The following ARHGAP6 variants were observed in gnomAD, a reference collection of about 807,000 sequenced individuals.
The protein encoded by ARHGAP6 is rho GTPase-activating protein 6.
ARHGAP6 carries 16 observed loss-of-function variants against 55.7 expected under a neutral mutation model. The ratio of observed to expected loss-of-function variants is 0.29; its 90% CI spans 0.19 to 0.44. The LOEUF (loss-of-function observed/expected upper bound fraction) is 0.44, where lower values mean the gene tolerates loss of function less well. Among genes scored for constraint, ARHGAP6 ranks in the 20% least tolerant of loss-of-function variants. The pLI, the probability that ARHGAP6 is intolerant of heterozygous loss-of-function variation, is 1.00. For missense variants in ARHGAP6, 698 were observed against 808.9 expected (o/e 0.86, Z 1.66); for synonymous variants, 382 against 360.9 (o/e 1.06, Z -0.66).
intron 1 of ARHGAP6, among the ~76,000 whole-genome samples, chrX:11,312,646 G>A (rs775498843): frequency 9.0e-6 from 1 of 111,580 alleles, no homozygotes; most frequent in Non-Finnish European, 1.9e-5. Flanking sequence ...CACAATGCCT[G>A]CCTGGTATGC....
chrX:11,211,259 T>C (rs1009271151), intron 2 of ARHGAP6, among the ~76,000 whole-genome samples: 5 of 105,073 alleles, frequency 4.8e-5, no homozygotes, highest in Non-Finnish European at 7.8e-5. Flanking sequence ...GTTTCCTCTG[T>C]CGCCCAGGCT....
At chrX:11,334,283 T>C in intron 1 of ARHGAP6, 1 of 132,788 alleles carries the variant, frequency 7.5e-6, no homozygotes, top group Non-Finnish European at 1.6e-5. Flanking sequence ...TTGCTGGAGG[T>C]GATCCCTGCC....
chrX:11,453,037 T>C (rs765292768), intron 1 of ARHGAP6, among the ~76,000 whole-genome samples: 26 of 109,230 alleles, frequency 2.4e-4, no homozygotes, highest in African/African-American at 8.7e-4. Flanking sequence ...AAAGCCCCTA[T>C]TCAAAATAAG....
intron 1 of ARHGAP6, among the ~76,000 whole-genome samples, chrX:11,270,562 T>G (rs1176920197): frequency 8.9e-6 from 1 of 112,064 alleles, no homozygotes; most frequent in African/African-American, 3.2e-5. Context: ...CCTTTACAAG[T>G]AGAACTAGCC....
rs1341326541 is a variant in ARHGAP6 at position 11,202,048 on chromosome X, G to T, written c.749-5052C>A. 1.7e-4 allele frequency among the ~76,000 whole-genome samples: 5 copies of T among 30,186 alleles called. No homozygotes were observed. The East Asian group carries it at 0.011, about 65-fold the overall frequency. The allele number at this position is 30,186 out of a possible 115,157, so 26.2% of individuals were successfully genotyped here. The stretch of plus-strand genomic sequence containing the variant: ...GTGTGTGTGTGTGTGTGTGTGTGTA[G>T]CCTGGTCCACAGGAAATACTCAGCA... On this transcript the variant is annotated intron_variant, in intron 2 of 12. Transcript: ENST00000337414.
At chrX:11,661,726 A>G (rs2052705369) in intron 1 of ARHGAP6, among the ~76,000 whole-genome samples, 1 of 112,359 alleles carries the variant, frequency 8.9e-6, no homozygotes, top group Non-Finnish European at 1.9e-5. Flanking sequence ...AATCAAACGA[A>G]GGCGCCAACA....
chrX:11,480,356 A>G (rs2050444357), intron 1 of ARHGAP6, among the ~76,000 whole-genome samples: 1 of 112,215 alleles, frequency 8.9e-6, no homozygotes, highest in South Asian at 3.7e-4. Context: ...CACATACTGT[A>G]TAATTCCATT....
chrX:11,235,653 A>G (rs1472958469), intron 2 of ARHGAP6, among the ~76,000 whole-genome samples: 2 of 111,220 alleles, frequency 1.8e-5, no homozygotes, highest in Non-Finnish European at 3.8e-5. Flanking sequence ...AGTTTCTTCC[A>G]CCAGATACCC....
At chrX:11,571,264 G>C (rs746355476) in intron 1 of ARHGAP6, among the ~76,000 whole-genome samples, 2 of 111,586 alleles carry the variant, frequency 1.8e-5, no homozygotes, top group African/African-American at 3.3e-5. Context: ...GTCCACCACT[G>C]ATTTTCATAG....
chrX:11,326,100 G>A (rs1401252536), intron 1 of ARHGAP6, among the ~76,000 whole-genome samples: 1 of 105,185 alleles, frequency 9.5e-6, no homozygotes, highest in African/African-American at 3.4e-5. Flanking sequence ...TTTTACCAAA[G>A]GAATTTTTCT....
chrX:11,423,039 T>G (rs1221871436), intron 1 of ARHGAP6, among the ~76,000 whole-genome samples: 3 of 112,301 alleles, frequency 2.7e-5, no homozygotes, highest in Non-Finnish European at 5.6e-5. Flanking sequence ...GATTCAATAA[T>G]CTCTCACATA....
At chrX:11,317,136 G>A (rs1046020262) in intron 1 of ARHGAP6, among the ~76,000 whole-genome samples, 2 of 112,484 alleles carry the variant, frequency 1.8e-5, no homozygotes, top group African/African-American at 6.5e-5. Context: ...GGGAAATGTG[G>A]CTGGAAGCCT....
At chrX:11,178,031 T>C (rs1006599472) in intron 8 of ARHGAP6, 69 bp downstream of exon 8, 37 of 1,182,344 alleles carry the variant, frequency 3.1e-5, no homozygotes, top group Non-Finnish European at 3.8e-5. Flanking sequence ...ATGGCCATTT[T>C]GGTGGTATGC....
intron 1 of ARHGAP6, among the ~76,000 whole-genome samples, chrX:11,381,170 T>A (rs1317783382): frequency 8.9e-6 from 1 of 112,606 alleles, no homozygotes; most frequent in South Asian, 3.6e-4. Context: ...TGAGGCAATA[T>A]CATCCAAACT....
At chrX:11,305,185 A>G (rs1246542453) in intron 1 of ARHGAP6, among the ~76,000 whole-genome samples, 1 of 111,032 alleles carries the variant, frequency 9.0e-6, no homozygotes, top group Non-Finnish European at 1.9e-5. Context: ...ACAGGGATCT[A>G]AACAAATCAA....
At chrX:11,524,482 A>T in intron 1 of ARHGAP6, among the ~76,000 whole-genome samples, 1 of 112,127 alleles carries the variant, frequency 8.9e-6, no homozygotes, top group Non-Finnish European at 1.9e-5. Flanking sequence ...ACCCTGGTCT[A>T]GCTTGAACTA....
At position 11,567,699 on chromosome X, in the gene ARHGAP6, T is replaced by C. The variant is rs780737954; in HGVS notation, c.588+96542A>G. Among the ~76,000 whole-genome samples, 177 of 109,318 alleles carry C rather than the reference T, an allele frequency of 1.6e-3. 1 individual carries two copies. Among genetic ancestry groups the C allele is most frequent in the Admixed American group, 2.2e-3 (23 of 10,235 alleles). The allele number at this position is 109,318 out of a possible 115,157, so 94.9% of individuals were successfully genotyped here. A position where few individuals can be genotyped will look rare whatever the true frequency, so the allele number is the denominator to read the frequency against. On this transcript the variant is annotated intron_variant, in intron 1 of 12. Transcript: ENST00000337414. ...CTTTCTTTGACAGGGTCTTGCTCTG[T>C]CGCCCAGGCTGGAGTCTGGAGTGCA... is the stretch of plus-strand genomic sequence containing the variant.
intron 9 of ARHGAP6, 130 bp downstream of exon 9, chrX:11,169,375 T>C: frequency 1.8e-6 from 1 of 561,015 alleles, no homozygotes; most frequent in Non-Finnish European, 2.6e-6. Context: ...CTGCTGAAAC[T>C]GCCTGACTTC....
At chrX:11,558,836 C>CAAAAAAAAAAAAAAAAAAAAAA (rs58936931) in intron 1 of ARHGAP6, among the ~76,000 whole-genome samples, 1 of 30,072 alleles carries the variant, frequency 3.3e-5, no homozygotes, top group African/African-American at 1.3e-4. Flanking sequence ...GATTCCATCT[C>CAAAAAAAAAAAAAAAAAAAAAA]AAAAAAAAAA....
Sources: allele counts gnomAD v4.1 joint callset (sites outside exome capture counted in the v4.1 genomes callset), GRCh38; gene constraint gnomAD v4.1.1; transcripts MANE v1.5; gene names NCBI Gene and HGNC (gene_info 2026-07-23, HGNC 2026-07-21).